Variants in MBP observed in about 807,000 individuals in gnomAD.
MBP encodes myelin basic protein, also known as Golli-MBP.
A neutral mutation model predicts 35.8 loss-of-function variants in MBP; 16 were observed. That is an observed-to-expected ratio of 0.45 (90% CI 0.30 to 0.68). The LOEUF is 0.68. MBP is among the 30% of genes least tolerant of loss of function. MBP has a pLI of 0.08. For synonymous variants in MBP, 143 were observed against 159.6 expected, an observed-to-expected ratio of 0.90 and a Z score of 0.78; for missense variants, 380 against 404.7, an observed-to-expected ratio of 0.94 and a Z score of 0.52.
intron 3 of MBP, among the ~76,000 whole-genome samples, chr18:77,038,846 G>T (rs562960281): frequency 1.6e-3 from 242 of 152,258 alleles, no homozygotes; most frequent in Non-Finnish European, 2.7e-3. Flanking sequence ...TTTAAGAGTG[G>T]CCAGAGTTTT....
intron 3 of MBP, among the ~76,000 whole-genome samples, chr18:77,058,015 A>G (rs12969118): frequency 0.99 from 64,329 of 65,016 alleles, 32,154 homozygotes; most frequent in East Asian, 0.99. Flanking sequence ...TTTTTTTTTA[A>G]TAGAGACGGG....
intron 2 of MBP, among the ~76,000 whole-genome samples, chr18:77,094,947 C>T (rs888182393): frequency 2.0e-5 from 3 of 152,200 alleles, no homozygotes; most frequent in African/African-American, 7.2e-5. Flanking sequence ...TATAGAACAT[C>T]TCCATTATGG....
rs986625099 is a variant in MBP at position 77,101,596 on chromosome 18, A to T, written c.51+3615T>A. On this transcript the variant is annotated intron_variant, in intron 2 of 8. Transcript: ENST00000355994. The surrounding 1 kb of genome is among the most constrained non-coding windows in gnomAD (Gnocchi z 4.3). The stretch of plus-strand genomic sequence containing the variant: ...ACTGGCCCAGGAAGGTGGCTCAACC[A>T]CTTGTTACCAGGGACCTGCACCCCA... 6.6e-6 allele frequency among the ~76,000 whole-genome samples: 1 copy of T among 152,124 alleles called. No individual in the cohort carries two copies. The highest frequency in any genetic ancestry group is 2.4e-5 in the African/African-American group (1 of 41,438).
intron 1 of MBP, among the ~76,000 whole-genome samples, chr18:77,111,539 C>T (rs1018756232): frequency 1.3e-5 from 2 of 152,238 alleles, no homozygotes; most frequent in African/African-American, 2.4e-5. Context: ...GAGACCCCCA[C>T]GGGAGGGCCC....
chr18:76,993,443 A>G (rs1357325462), intron 4 of MBP, among the ~76,000 whole-genome samples: 1 of 149,402 alleles, frequency 6.7e-6, no homozygotes, highest in Admixed American at 6.8e-5. Flanking sequence ...TCCCAGCTTC[A>G]GGGGGCTGAG....
At chr18:77,061,072 G>A (rs1973958456) in intron 3 of MBP, among the ~76,000 whole-genome samples, 2 of 152,196 alleles carry the variant, frequency 1.3e-5, no homozygotes, top group African/African-American at 4.8e-5. Context: ...TCTGGGAAGG[G>A]ACCCCAAGTT....
Position 76,980,173 on chromosome 18 carries a change from A to G in MBP, c.*254T>C. On this transcript the variant is annotated 3_prime_UTR_variant, in exon 9 of 9. Transcript: ENST00000355994. ...AAGACCCACGTGCGTCTGGGGGCAC[A>G]TTGCGGGGGAAGGAACGTGATCTTC... 9.4e-6 allele frequency: 6 copies of G among 637,214 alleles called. No homozygotes were observed. Among genetic ancestry groups the G allele is most frequent in the Admixed American group, 5.0e-5 (2 of 40,114 alleles). The allele number at this position is 637,214 out of a possible 1,614,324, so 39.5% of individuals were successfully genotyped here. A position where few individuals can be genotyped will look rare whatever the true frequency, so the allele number is the denominator to read the frequency against.
chr18:77,065,397 C>G (rs1483517800), intron 3 of MBP, among the ~76,000 whole-genome samples: 6 of 152,150 alleles, frequency 3.9e-5, no homozygotes, highest in Admixed American at 6.5e-5. Flanking sequence ...ATGACTAGGT[C>G]TCTGCTCCTA....
chr18:77,031,117 T>TA, intron 3 of MBP, among the ~76,000 whole-genome samples: 1 of 152,192 alleles, frequency 6.6e-6, no homozygotes, highest in South Asian at 2.1e-4. Context: ...AAGAAGGTGA[T>TA]ACTGTTTCCT....
intron 3 of MBP, among the ~76,000 whole-genome samples, chr18:77,040,724 C>G (rs1298236479): frequency 6.6e-6 from 1 of 152,146 alleles, no homozygotes; most frequent in African/African-American, 2.4e-5. Context: ...AACTGGCTAG[C>G]CATATGTAGA....
chr18:77,046,383 C>T (rs1309637433), intron 3 of MBP, among the ~76,000 whole-genome samples: 1 of 152,252 alleles, frequency 6.6e-6, no homozygotes, highest in Admixed American at 6.5e-5. Context: ...TTACCTGATA[C>T]ACAAACAACT....
intron 2 of MBP, among the ~76,000 whole-genome samples, chr18:77,070,718 A>G (rs1974404031): frequency 6.6e-6 from 1 of 152,132 alleles, no homozygotes; most frequent in South Asian, 2.1e-4. Flanking sequence ...GGCAGGTGAC[A>G]GGAGGGGCCC....
intron 2 of MBP, among the ~76,000 whole-genome samples, chr18:77,081,838 A>ACACC (rs1974944127): frequency 1.9e-5 from 1 of 51,722 alleles, no homozygotes; most frequent in Non-Finnish European, 4.6e-5. Flanking sequence ...ACACACACAC[A>ACACC]CACATATATA....
At position 76,997,725 on chromosome 18, in the gene MBP, C is replaced by A. The variant is rs1167518990; in HGVS notation, c.577-7665G>T. 8.6e-5 allele frequency among the ~76,000 whole-genome samples: 13 copies of A among 151,604 alleles called. No homozygotes were observed. The East Asian group carries it at 2.5e-3, about 30-fold the overall frequency. On this transcript the variant is annotated intron_variant, in intron 4 of 8. Coordinates refer to ENST00000355994, the MANE Select transcript of MBP (RefSeq NM_001025101.2). Reference sequence around the variant, plus strand: ...TGAGACGGAGTCTCACTTTGTCCCCCAGGCTGGAGTGCAGTGGCGCGACCT... The same window carrying A: ...TGAGACGGAGTCTCACTTTGTCCCCAAGGCTGGAGTGCAGTGGCGCGACCT...
intron 2 of MBP, among the ~76,000 whole-genome samples, chr18:77,095,764 C>T (rs909452066): frequency 6.6e-6 from 1 of 152,216 alleles, no homozygotes; most frequent in African/African-American, 2.4e-5. Context: ...TCTGGACCTG[C>T]CTCTGGGCAG....
chr18:76,985,543 C>T, intron 7 of MBP: 1 of 1,131,122 alleles, frequency 8.8e-7, no homozygotes, highest in Non-Finnish European at 1.1e-6. Flanking sequence ...ATCAGTCTCC[C>T]TTGGCCATAG....
intron 3 of MBP, among the ~76,000 whole-genome samples, chr18:77,047,681 C>T (rs1389177346): frequency 6.6e-6 from 1 of 152,168 alleles, no homozygotes; most frequent in Non-Finnish European, 1.5e-5. Context: ...CAATTAAATC[C>T]ATTTTCATTT....
rs557451982 is a variant in MBP, at chr18:76,986,399, G to T, written c.751-1505C>A. On this transcript the variant is annotated intron_variant, in intron 7 of 8. Transcript: ENST00000355994. ...TCTCTTATTTAGAGGTGAGGAAGAT[G>T]ACACCAGAGGCCTCAAGGCTTCCAG... 9 of 985,522 alleles carry T rather than the reference G, an allele frequency of 9.1e-6. No individual in the cohort carries two copies. The East Asian group carries it at 1.0e-3, about 112-fold the overall frequency. The allele number at this position is 985,522 out of a possible 1,614,324, so 61.0% of individuals were successfully genotyped here.
At chr18:77,045,126 A>G (rs1228646638) in intron 3 of MBP, among the ~76,000 whole-genome samples, 1 of 152,154 alleles carries the variant, frequency 6.6e-6, no homozygotes, top group Admixed American at 6.5e-5. Context: ...ATTCTTTGCC[A>G]TTAGAAAAGG....
Sources: allele counts gnomAD v4.1 joint callset (sites outside exome capture counted in the v4.1 genomes callset), GRCh38; gene constraint gnomAD v4.1.1; non-coding constraint Gnocchi (gnomAD v3.1); transcripts MANE v1.5; gene names NCBI Gene and HGNC (gene_info 2026-07-23, HGNC 2026-07-21).